Variants in ST8SIA4 observed in about 807,000 individuals in gnomAD.
ST8SIA4 encodes CMP-N-acetylneuraminate-poly-alpha-2,8-sialyltransferase.
ST8SIA4 carries 15 observed loss-of-function variants against 33.9 expected under a neutral mutation model. That is an observed-to-expected ratio of 0.44 (90% CI 0.30 to 0.68). The LOEUF is 0.68. Among genes scored for constraint, ST8SIA4 ranks in the 30% least tolerant of loss-of-function variants. The pLI is 0.10. For synonymous variants in ST8SIA4, 171 were observed against 151.2 expected (o/e 1.13, Z -0.96); for missense variants, 321 against 428.0 (o/e 0.75, Z 2.21).
chr5:100,837,071 A>G (rs1751378840), intron 4 of ST8SIA4, among the ~76,000 whole-genome samples: 1 of 151,816 alleles, frequency 6.6e-6, no homozygotes, highest in African/African-American at 2.4e-5. Context: ...TCTGATCATT[A>G]GCTCTACTTT....
At chr5:100,835,816 G>C (rs1489984631) in intron 4 of ST8SIA4, among the ~76,000 whole-genome samples, 1 of 152,114 alleles carries the variant, frequency 6.6e-6, no homozygotes, top group Non-Finnish European at 1.5e-5. Context: ...CACCAGAATA[G>C]AAAGATAACC....
intron 4 of ST8SIA4, among the ~76,000 whole-genome samples, chr5:100,832,734 G>A (rs983771191): frequency 2.0e-5 from 3 of 151,664 alleles, no homozygotes; most frequent in Non-Finnish European, 2.9e-5. Context: ...TACATCATTC[G>A]AGGCCATCTA....
At chr5:100,816,018 T>G (rs1198586101) in intron 4 of ST8SIA4, among the ~76,000 whole-genome samples, 1 of 152,224 alleles carries the variant, frequency 6.6e-6, no homozygotes, top group African/African-American at 2.4e-5. Context: ...GCTGGACAAT[T>G]GTGGTAACGT....
At chr5:100,868,542 A>G (rs1752127620) in intron 3 of ST8SIA4, among the ~76,000 whole-genome samples, 1 of 152,054 alleles carries the variant, frequency 6.6e-6, no homozygotes, top group Admixed American at 6.6e-5. Flanking sequence ...TAATCATGTT[A>G]TGAACCTAAC....
intron 4 of ST8SIA4, among the ~76,000 whole-genome samples, chr5:100,847,874 T>C (rs1475075804): frequency 6.6e-6 from 1 of 152,058 alleles, no homozygotes; most frequent in Non-Finnish European, 1.5e-5. Flanking sequence ...AAATAAAATA[T>C]CAATGTTCTA....
At chr5:100,895,882 T>C in intron 1 of ST8SIA4, 97 bp from the exon 2 acceptor site, 1 of 1,317,602 alleles carries the variant, frequency 7.6e-7, no homozygotes, top group Non-Finnish European at 1.0e-6. Context: ...TGATGAATTT[T>C]AGATACTTTT....
chr5:100,863,439 C>T (rs1158143991), intron 3 of ST8SIA4, among the ~76,000 whole-genome samples: 4 of 152,106 alleles, frequency 2.6e-5, no homozygotes, highest in South Asian at 2.1e-4. Flanking sequence ...ACAATAAAAC[C>T]AGTGGCCCAT....
intron 4 of ST8SIA4, among the ~76,000 whole-genome samples, chr5:100,841,856 C>T (rs1426972000): frequency 6.6e-6 from 1 of 151,866 alleles, no homozygotes. Flanking sequence ...GTATTACATG[C>T]ATTTGCCAAA....
At chr5:100,901,575 C>A (rs1752914648) in intron 1 of ST8SIA4, among the ~76,000 whole-genome samples, 1 of 152,260 alleles carries the variant, frequency 6.6e-6, no homozygotes, top group African/African-American at 2.4e-5. Context: ...GACCTCATAC[C>A]GGTCTTTTTT....
chr5:100,835,878 T>C (rs772466013), intron 4 of ST8SIA4, among the ~76,000 whole-genome samples: 2 of 152,148 alleles, frequency 1.3e-5, no homozygotes, highest in Non-Finnish European at 2.9e-5. Flanking sequence ...AAAAGGAAGA[T>C]AAACTCAGAT....
rs147592639 is a variant in ST8SIA4, at chr5:100,838,978, A to G, written c.797+17125T>C. Among the ~76,000 whole-genome samples, 987 of 152,030 alleles carry G rather than the reference A, an allele frequency of 6.5e-3. 6 individuals carry two copies. The highest frequency in any genetic ancestry group is 0.016 in the South Asian group (78 of 4,828). On this transcript the variant is annotated intron_variant, in intron 4 of 4. Transcript: ENST00000231461. The stretch of plus-strand genomic sequence containing the variant: ...AACCATAGTGACAAAACTTGCACTT[A>G]AAAGAGAACATTAATTTTTTTTTCT...
intron 4 of ST8SIA4, among the ~76,000 whole-genome samples, chr5:100,836,010 C>T (rs773757638): frequency 6.6e-6 from 1 of 152,014 alleles, no homozygotes; most frequent in African/African-American, 2.4e-5. Context: ...ATTAGAACAA[C>T]TGTGATTAAT....
chr5:100,836,831 C>G (rs1337118779), intron 4 of ST8SIA4, among the ~76,000 whole-genome samples: 2 of 151,902 alleles, frequency 1.3e-5, no homozygotes, highest in African/African-American at 4.8e-5. Context: ...AAAATAAAAT[C>G]CATCAGAGAA....
intron 4 of ST8SIA4, among the ~76,000 whole-genome samples, chr5:100,836,196 G>A (rs924768095): frequency 6.6e-5 from 10 of 152,108 alleles, no homozygotes; most frequent in East Asian, 5.8e-4. Context: ...TGTTCTAAAC[G>A]CTTTGCATAT....
intron 3 of ST8SIA4, among the ~76,000 whole-genome samples, chr5:100,860,032 T>C (rs1231074880): frequency 6.6e-6 from 1 of 152,146 alleles, no homozygotes; most frequent in Non-Finnish European, 1.5e-5. Flanking sequence ...ACGTATTGTA[T>C]GTATCTGTGC....
chr5:100,893,367 A>G (rs1752714135), intron 2 of ST8SIA4, among the ~76,000 whole-genome samples: 1 of 152,156 alleles, frequency 6.6e-6, no homozygotes, highest in African/African-American at 2.4e-5. Context: ...TTTCCTTTCA[A>G]GGAAGTGACA....
At chr5:100,873,421 T>C (rs940270937) in intron 3 of ST8SIA4, among the ~76,000 whole-genome samples, 1 of 151,874 alleles carries the variant, frequency 6.6e-6, no homozygotes, top group Non-Finnish European at 1.5e-5. Flanking sequence ...CAAAAAAAAA[T>C]GTTATGTAGC....
intron 4 of ST8SIA4, among the ~76,000 whole-genome samples, chr5:100,822,292 A>C (rs1751047836): frequency 6.6e-6 from 1 of 152,238 alleles, no homozygotes. Flanking sequence ...CATTTTAGGC[A>C]GAATCACTTA....
intron 3 of ST8SIA4, among the ~76,000 whole-genome samples, chr5:100,868,657 G>T (rs1403247829): frequency 6.6e-6 from 1 of 151,886 alleles, no homozygotes; most frequent in Non-Finnish European, 1.5e-5. Flanking sequence ...GCATATCTTA[G>T]ATTCAAATAT....
Sources: allele counts gnomAD v4.1 joint callset (sites outside exome capture counted in the v4.1 genomes callset), GRCh38; gene constraint gnomAD v4.1.1; transcripts MANE v1.5; gene names NCBI Gene and HGNC (gene_info 2026-07-23, HGNC 2026-07-21).